Variants in ERCC6L2 observed in about 807,000 individuals in gnomAD.
ERCC6L2 encodes ERCC excision repair 6 like 2, also known as DNA excision repair protein ERCC-6-like 2.
A neutral mutation model predicts 132.0 loss-of-function variants in ERCC6L2; 77 were observed. That is an observed-to-expected ratio of 0.58 (90% CI 0.49 to 0.71). ERCC6L2 has a LOEUF of 0.71. ERCC6L2 is among the 30% of genes least tolerant of loss of function. The pLI is 0.00. For missense variants in ERCC6L2, 1,542 were observed against 1,837.6 expected (o/e 0.84, Z 2.94); for synonymous variants, 583 against 632.4 (o/e 0.92, Z 1.17).
chr9:95,982,732 T>C (rs533694380), intron 17 of ERCC6L2, among the ~76,000 whole-genome samples: 2 of 151,988 alleles, frequency 1.3e-5, no homozygotes, highest in South Asian at 2.1e-4. Context: ...TATGAAATTA[T>C]GTGACTGGTA....
At chr9:95,973,396 A>G (rs2133086237) in intron 16 of ERCC6L2, among the ~76,000 whole-genome samples, 1 of 152,260 alleles carries the variant, frequency 6.6e-6, no homozygotes, top group Middle Eastern at 3.4e-3. Flanking sequence ...TTTTATCACC[A>G]AATGTGCATC....
At chr9:95,902,693 C>T (rs981321838) in intron 3 of ERCC6L2, among the ~76,000 whole-genome samples, 1 of 152,096 alleles carries the variant, frequency 6.6e-6, no homozygotes, top group Non-Finnish European at 1.5e-5. Flanking sequence ...TCTGTTTCCA[C>T]CTTTTCGTTT....
chr9:96,003,467 C>G (rs1185843957), intron 17 of ERCC6L2, among the ~76,000 whole-genome samples: 1 of 152,240 alleles, frequency 6.6e-6, no homozygotes, highest in African/African-American at 2.4e-5. Context: ...TTCTTTCTAT[C>G]TAGAGTAAGA....
At chr9:95,888,294 C>T (rs1162273222) in intron 2 of ERCC6L2, among the ~76,000 whole-genome samples, 1 of 152,072 alleles carries the variant, frequency 6.6e-6, no homozygotes, top group Non-Finnish European at 1.5e-5. Context: ...ATGTCATGAG[C>T]TGACTCTGTG....
In ERCC6L2 at chr9:95,881,099, TATTTCCCAAACCGAAA is replaced by T; in HGVS notation, c.284_299del (p.Pro95HisfsTer24). On this transcript the variant is annotated frameshift_variant, in exon 2 of 19. Transcript: ENST00000653738. LOFTEE classifies it high-confidence loss of function. ...TGATGATGAAGATTTAGAAAAACCT[TATTTCCCAAACCGAAA>T]ATTTCCATCATCTTCTGTTGCTTTT... 2 of 1,613,304 alleles carry T rather than the reference TATTTCCCAAACCGAAA, an allele frequency of 1.2e-6. No individual in the cohort carries two copies. The highest frequency in any genetic ancestry group is 1.7e-6 in the Non-Finnish European group (2 of 1,179,804).
At chr9:95,928,196 T>C in intron 10 of ERCC6L2, 46 bp downstream of exon 10, 1 of 1,389,404 alleles carries the variant, frequency 7.2e-7, no homozygotes, top group South Asian at 1.2e-5. Context: ...CCTCAACTTT[T>C]GAGGCATAAA....
intron 19 of ERCC6L2, among the ~76,000 whole-genome samples, chr9:96,026,413 C>T (rs1834363931): frequency 6.6e-6 from 1 of 152,118 alleles, no homozygotes; most frequent in Non-Finnish European, 1.5e-5. Context: ...CTCAGTGAGC[C>T]CCGGAGCGCC....
chr9:95,929,909 C>T (rs192311678), intron 11 of ERCC6L2, among the ~76,000 whole-genome samples: 258 of 152,320 alleles, frequency 1.7e-3, no homozygotes, highest in African/African-American at 5.9e-3. Context: ...TATCCTTCTT[C>T]TGCTCACTTC....
chr9:95,959,724 A>G (rs1268938074), intron 13 of ERCC6L2, among the ~76,000 whole-genome samples: 3 of 152,054 alleles, frequency 2.0e-5, no homozygotes, highest in Middle Eastern at 3.2e-3. Context: ...AAGGACATGA[A>G]CAGACACTTC....
rs73654812 is a variant in ERCC6L2 at position 96,016,926 on chromosome 9, T to C, written c.*3723T>C. Among the ~76,000 whole-genome samples the C allele has an allele frequency of 0.032, 4,852 of 152,078 alleles. 283 individuals carry two copies. The highest frequency in any genetic ancestry group is 0.11 in the African/African-American group (4,638 of 41,506). On this transcript the variant is annotated 3_prime_UTR_variant, in exon 19 of 19. Transcript: ENST00000653738. ...TTTTTTTGTGTGTTTGTTTGTTTGT[T>C]TGTTTGCATGTGAAGGATTTTTATG...
intron 1 of ERCC6L2, among the ~76,000 whole-genome samples, chr9:95,878,016 T>C (rs1827380746): frequency 2.6e-5 from 4 of 152,258 alleles, no homozygotes; most frequent in South Asian, 4.1e-4. Flanking sequence ...AATAAAATGA[T>C]GAGATAGAGA....
At chr9:95,905,717 C>T (rs1828999223) in intron 3 of ERCC6L2, among the ~76,000 whole-genome samples, 1 of 152,208 alleles carries the variant, frequency 6.6e-6, no homozygotes, top group Non-Finnish European at 1.5e-5. Context: ...CTCTCACGTT[C>T]AGCATGTTGA....
intron 1 of ERCC6L2, among the ~76,000 whole-genome samples, chr9:95,880,006 G>A (rs1367286388): frequency 6.6e-6 from 1 of 151,954 alleles, no homozygotes; most frequent in African/African-American, 2.4e-5. Context: ...AGTATACTGT[G>A]GACTCCCTCC....
intron 17 of ERCC6L2, among the ~76,000 whole-genome samples, chr9:95,984,312 A>C (rs886769853): frequency 1.7e-4 from 26 of 149,612 alleles, no homozygotes; most frequent in Non-Finnish European, 3.0e-5. Flanking sequence ...ATGTATAAAT[A>C]TATATTATAT....
intron 1 of ERCC6L2, among the ~76,000 whole-genome samples, chr9:95,878,804 G>A (rs1015161819): frequency 4.0e-5 from 6 of 151,178 alleles, no homozygotes; most frequent in African/African-American, 4.9e-5. Flanking sequence ...ATGATTTCCA[G>A]TTTCATCCAT....
intron 1 of ERCC6L2, among the ~76,000 whole-genome samples, chr9:95,879,898 G>A (rs562235948): frequency 6.6e-6 from 1 of 152,222 alleles, no homozygotes; most frequent in African/African-American, 2.4e-5. Flanking sequence ...TATGTTTGTA[G>A]CCATAGAATT....
chr9:95,897,960 A>G lies in ERCC6L2; in HGVS notation c.583A>G (p.Thr195Ala), dbSNP rs1587863035. 1.2e-6 allele frequency: 2 copies of G among 1,608,474 alleles called. No homozygotes were observed. Among genetic ancestry groups the G allele is most frequent in the Non-Finnish European group, 1.7e-6 (2 of 1,178,124 alleles). ...RSMKKEPLSS[T>A]AKKMFLIVAP... ...TATGAAAAAGGAACCCCTTTCTTCT[A>G]CAGCAAAAAAGGTAAAATCTCTAGA... The change falls in exon 3 of 19, where the codon ACA (threonine) becomes GCA (alanine). Residue 195 changes from threonine to alanine, a missense_variant. Around this residue, in one of 4 missense-constraint regions of ERCC6L2, gnomAD observed 945 missense variants for 1,105.2 expected, o/e 0.86. Coordinates refer to ENST00000653738, the MANE Select transcript of ERCC6L2 (RefSeq NM_020207.7).
intron 1 of ERCC6L2, among the ~76,000 whole-genome samples, chr9:95,878,007 A>G (rs1827380073): frequency 6.6e-6 from 1 of 152,166 alleles, no homozygotes; most frequent in Non-Finnish European, 1.5e-5. Context: ...TACAGAGGCA[A>G]TAAAATGATG....
intron 6 of ERCC6L2, among the ~76,000 whole-genome samples, chr9:95,919,707 T>C (rs979302283): frequency 6.6e-6 from 1 of 152,212 alleles, no homozygotes; most frequent in African/African-American, 2.4e-5. Context: ...ATTCCTGGAA[T>C]AGTAAATTCC....
Sources: allele counts gnomAD v4.1 joint callset (sites outside exome capture counted in the v4.1 genomes callset), GRCh38; gene constraint gnomAD v4.1.1; regional missense constraint gnomAD v4.1.1; transcripts MANE v1.5; gene names NCBI Gene and HGNC (gene_info 2026-07-23, HGNC 2026-07-21).